DAPK1: variants seen among roughly 807,000 people sequenced by gnomAD.
DAPK1 encodes death associated protein kinase 1, also known as death-associated protein kinase 1.
Under a neutral mutation model 144.9 loss-of-function variants are expected in DAPK1, and 56 were observed. That is an observed-to-expected ratio of 0.39 (90% CI 0.31 to 0.48). The LOEUF (loss-of-function observed/expected upper bound fraction) is 0.48, where lower values mean the gene tolerates loss of function less well. Ranked by LOEUF, DAPK1 falls within the 20% of genes least tolerant of loss-of-function variation. The pLI is 0.95. For missense variants in DAPK1, 1,454 were observed against 1,875.4 expected (o/e 0.78, Z 4.15); for synonymous variants, 690 against 749.0 (o/e 0.92, Z 1.29).
chr9:87,660,289 G>A (rs1349766801), intron 18 of DAPK1, among the ~76,000 whole-genome samples: 1 of 152,178 alleles, frequency 6.6e-6, no homozygotes, highest in East Asian at 1.9e-4. Context: ...GGTTCCGCAG[G>A]GCCGGGGAGA....
intron 3 of DAPK1, among the ~76,000 whole-genome samples, chr9:87,625,288 A>T (rs1379829489): frequency 4.6e-5 from 7 of 152,246 alleles, no homozygotes; most frequent in Admixed American, 3.3e-4. Context: ...GCTGAAGGCC[A>T]TACAGGCAGA....
At chr9:87,545,096 G>A (rs1826194117) in intron 2 of DAPK1, among the ~76,000 whole-genome samples, 1 of 152,162 alleles carries the variant, frequency 6.6e-6, no homozygotes, top group South Asian at 2.1e-4. Flanking sequence ...ATTATCATCA[G>A]CTATCCCTGC....
At chr9:87,587,744 G>A (rs1374925479) in intron 2 of DAPK1, among the ~76,000 whole-genome samples, 2 of 152,236 alleles carry the variant, frequency 1.3e-5, no homozygotes, top group Admixed American at 6.5e-5. Flanking sequence ...GTGTCCCTAA[G>A]CCAGCAGCCT....
intron 2 of DAPK1, among the ~76,000 whole-genome samples, chr9:87,501,849 G>T (rs1824414947): frequency 6.6e-6 from 1 of 152,204 alleles, no homozygotes; most frequent in Non-Finnish European, 1.5e-5. Context: ...TAGAGCAGAT[G>T]GGCCACTGGA....
chr9:87,678,301 GACC>G (rs1824476950), intron 19 of DAPK1, among the ~76,000 whole-genome samples: 1 of 152,198 alleles, frequency 6.6e-6, no homozygotes, highest in African/African-American at 2.4e-5. Flanking sequence ...ATATAACACA[GACC>G]TTGTGGGAGC....
rs768853519 is a variant in DAPK1 at position 87,698,757 on chromosome 9, G to A, written c.2713G>A (p.Asp905Asn). The change falls in exon 23 of 26, where the codon GAC (aspartate) becomes AAC (asparagine). Residue 905 changes from aspartate to asparagine, a missense_variant. This residue lies in a region of DAPK1 where 1,025 missense variants were observed against 1,237.9 expected (regional missense o/e 0.83). Transcript: ENST00000408954. ...PRPAGGEFGY[D>N]KDTSLLKEIR... is the part of the protein sequence containing the mutation. ...ACCGGCTGGAGGCGAGTTTGGATAT[G>A]ACAAAGACACATCGTTGCTGAAAGA... The A allele has an allele frequency of 6.2e-7, 1 of 1,607,674 alleles. No homozygotes were observed. The highest frequency in any genetic ancestry group is 8.5e-7 in the Non-Finnish European group (1 of 1,174,108).
At chr9:87,691,185 G>T (rs1005608954) in intron 21 of DAPK1, among the ~76,000 whole-genome samples, 2 of 151,812 alleles carry the variant, frequency 1.3e-5, no homozygotes, top group Non-Finnish European at 2.9e-5. Flanking sequence ...CTCATTATTG[G>T]TCTGCTCTAG....
intron 3 of DAPK1, among the ~76,000 whole-genome samples, chr9:87,627,057 A>C (rs771554135): frequency 2.6e-5 from 4 of 152,158 alleles, no homozygotes; most frequent in Non-Finnish European, 5.9e-5. Flanking sequence ...TTAAGAGACC[A>C]AGCCAAAGTT....
chr9:87,556,560 G>T (rs561537005), intron 2 of DAPK1, among the ~76,000 whole-genome samples: 2 of 152,346 alleles, frequency 1.3e-5, no homozygotes, highest in African/African-American at 4.8e-5. Context: ...GAGGAGTGCG[G>T]GGGATTGGCA....
intron 18 of DAPK1, among the ~76,000 whole-genome samples, chr9:87,666,840 T>C (rs1831075244): frequency 6.6e-6 from 1 of 152,196 alleles, no homozygotes; most frequent in African/African-American, 2.4e-5. Context: ...GAGTTCATCC[T>C]GTCGGTGAAA....
At chr9:87,631,057 C>T (rs977476867) in intron 3 of DAPK1, among the ~76,000 whole-genome samples, 1 of 152,152 alleles carries the variant, frequency 6.6e-6, no homozygotes, top group African/African-American at 2.4e-5. Flanking sequence ...GGAGCTGGCG[C>T]CTCTGCCTCC....
At chr9:87,566,984 A>C (rs1827149950) in intron 2 of DAPK1, among the ~76,000 whole-genome samples, 1 of 152,196 alleles carries the variant, frequency 6.6e-6, no homozygotes, top group African/African-American at 2.4e-5. Context: ...AATAGCAAGA[A>C]AGCTCATTAA....
intron 2 of DAPK1, among the ~76,000 whole-genome samples, chr9:87,512,257 G>A (rs756059801): frequency 6.6e-6 from 1 of 151,590 alleles, no homozygotes; most frequent in African/African-American, 2.4e-5. Flanking sequence ...TAAGACACTG[G>A]GAATTTGATT....
At chr9:87,643,204 G>A (rs575228959) in intron 10 of DAPK1, among the ~76,000 whole-genome samples, 172 bp from the exon 11 acceptor site, 2 of 152,116 alleles carry the variant, frequency 1.3e-5, no homozygotes, top group Non-Finnish European at 2.9e-5. Context: ...AACCCATTCT[G>A]CTGTAGGATT....
chr9:87,632,140 C>A (rs540565879), intron 3 of DAPK1: 1 of 720,688 alleles, frequency 1.4e-6, no homozygotes, highest in African/African-American at 2.0e-5. Flanking sequence ...ATATAAAATA[C>A]CAGATGGGTA....
intron 2 of DAPK1, among the ~76,000 whole-genome samples, chr9:87,503,711 A>G (rs991890844): frequency 3.3e-5 from 5 of 152,254 alleles, no homozygotes; most frequent in African/African-American, 9.6e-5. Flanking sequence ...GCTTGTGGTG[A>G]AGATGAACAC....
At chr9:87,632,196 A>G in intron 3 of DAPK1, 3 of 943,992 alleles carry the variant, frequency 3.2e-6, no homozygotes, top group Non-Finnish European at 2.5e-6. Flanking sequence ...ATGTAGAATG[A>G]AGGAGGATGA....
At chr9:87,655,074 C>G (rs1830585066) in intron 17 of DAPK1, among the ~76,000 whole-genome samples, 1 of 152,170 alleles carries the variant, frequency 6.6e-6, no homozygotes, top group Admixed American at 6.5e-5. Context: ...GGCAGAGCAG[C>G]TGTACATAGA....
chr9:87,696,978 C>T (rs1330481083), intron 21 of DAPK1, 29 bp from the exon 22 acceptor site: 4 of 1,194,834 alleles, frequency 3.3e-6, no homozygotes, highest in Non-Finnish European at 5.0e-6. Flanking sequence ...TGGTGTTTCA[C>T]GATTGTTATC....
Sources: gnomAD v4.1 joint callset for allele counts (sites outside exome capture counted in the v4.1 genomes callset) on GRCh38, gnomAD v4.1.1 for gene constraint, gnomAD v4.1.1 regional missense constraint, MANE v1.5 for transcripts, NCBI Gene and HGNC (gene_info 2026-07-23, HGNC 2026-07-21) for gene names.